PALLD: variants seen among roughly 807,000 people sequenced by gnomAD.
The protein encoded by PALLD is palladin.
PALLD carries 61 observed loss-of-function variants against 123.5 expected under a neutral mutation model. That is an observed-to-expected ratio of 0.49 (90% CI 0.40 to 0.61). The LOEUF is 0.61. PALLD is among the 20% of genes least tolerant of loss of function. The pLI, the probability that PALLD is intolerant of heterozygous loss-of-function variation, is 0.00. For synonymous variants in PALLD, 465 were observed against 496.4 expected (o/e 0.94, Z 0.84); for missense variants, 1,273 against 1,377.0 (o/e 0.92, Z 1.20).
At chr4:168,616,811 A>G (rs1774263299) in intron 2 of PALLD, among the ~76,000 whole-genome samples, 1 of 152,178 alleles carries the variant, frequency 6.6e-6, no homozygotes, top group Admixed American at 6.5e-5. Context: ...GGGAATGACT[A>G]CTGTGATGTC....
chr4:168,887,127 AAAAAAG>A (rs762811852), intron 10 of PALLD, among the ~76,000 whole-genome samples: 14,725 of 147,378 alleles, frequency 0.1, 825 homozygotes, highest in Middle Eastern at 0.19. Context: ...AAAAAAAAAA[AAAAAAG>A]AAAAAGAAAA....
At chr4:168,536,130 C>G (rs1458097304) in intron 2 of PALLD, among the ~76,000 whole-genome samples, 1 of 152,158 alleles carries the variant, frequency 6.6e-6, no homozygotes, top group African/African-American at 2.4e-5. Context: ...TTTTAATAAT[C>G]TAATTATTCC....
At chr4:168,802,308 C>G (rs1257312423) in intron 10 of PALLD, among the ~76,000 whole-genome samples, 1 of 152,136 alleles carries the variant, frequency 6.6e-6, no homozygotes, top group Non-Finnish European at 1.5e-5. Flanking sequence ...TTGGCTCACT[C>G]AGAGGTACAA....
At chr4:168,838,556 C>T (rs1182835698) in intron 10 of PALLD, among the ~76,000 whole-genome samples, 3 of 151,934 alleles carry the variant, frequency 2.0e-5, no homozygotes, top group African/African-American at 7.3e-5. Flanking sequence ...GTGAAATGTA[C>T]ACTCAGGATC....
intron 10 of PALLD, among the ~76,000 whole-genome samples, chr4:168,889,118 TTTTG>T (rs545855153): frequency 2.9e-4 from 43 of 147,146 alleles, no homozygotes; most frequent in African/African-American, 8.6e-4. Flanking sequence ...GGCAGTAAAG[TTTTG>T]TTTGTTTGCT....
intron 10 of PALLD, among the ~76,000 whole-genome samples, chr4:168,725,078 G>A (rs1786413180): frequency 6.6e-6 from 1 of 152,168 alleles, no homozygotes; most frequent in Admixed American, 6.5e-5. Context: ...ACAATAGGTA[G>A]CATTTGAGAG....
chr4:168,519,864 C>T (rs1321665457), intron 2 of PALLD, among the ~76,000 whole-genome samples: 7 of 151,660 alleles, frequency 4.6e-5, no homozygotes, highest in Non-Finnish European at 2.9e-5. Flanking sequence ...TTTATAGTTG[C>T]CTATTTTCTT....
intron 10 of PALLD, among the ~76,000 whole-genome samples, chr4:168,784,962 T>A (rs1274045660): frequency 6.6e-6 from 1 of 151,816 alleles, no homozygotes; most frequent in East Asian, 1.9e-4. Context: ...AAGAGGCTGG[T>A]CTGAGGAATG....
intron 15 of PALLD, among the ~76,000 whole-genome samples, chr4:168,906,496 T>C (rs190352274): frequency 6.6e-6 from 1 of 152,200 alleles, no homozygotes; most frequent in African/African-American, 2.4e-5. Context: ...CAAATTATTA[T>C]GAAGTCACTA....
intron 2 of PALLD, among the ~76,000 whole-genome samples, chr4:168,640,664 G>A (rs1175984365): frequency 2.6e-5 from 4 of 152,226 alleles, no homozygotes; most frequent in African/African-American, 9.6e-5. Context: ...GCTCAGAAAT[G>A]TGATAATTAT....
chr4:168,732,978 C>CACGT (rs1787327959), intron 10 of PALLD, among the ~76,000 whole-genome samples: 1 of 152,112 alleles, frequency 6.6e-6, no homozygotes, highest in Non-Finnish European at 1.5e-5. Context: ...TGTGATAATA[C>CACGT]ACGTAAGCTA....
At chr4:168,707,988 G>T (rs1041236919) in intron 8 of PALLD, among the ~76,000 whole-genome samples, 1 of 152,302 alleles carries the variant, frequency 6.6e-6, no homozygotes, top group Admixed American at 6.5e-5. Flanking sequence ...GCCAGGCAAT[G>T]TCCTAAGCAC....
At chr4:168,596,140 A>G (rs1431079258) in intron 2 of PALLD, among the ~76,000 whole-genome samples, 3 of 152,064 alleles carry the variant, frequency 2.0e-5, no homozygotes, top group Admixed American at 1.3e-4. Context: ...TTGAGTACCT[A>G]TTATTGCCAA....
intron 2 of PALLD, among the ~76,000 whole-genome samples, chr4:168,556,782 G>A (rs1767351083): frequency 6.6e-6 from 1 of 152,174 alleles, no homozygotes; most frequent in East Asian, 1.9e-4. Flanking sequence ...AAGATGGGAG[G>A]AAAAGTGTCA....
chr4:168,748,941 G>T (rs1730670258), intron 10 of PALLD, among the ~76,000 whole-genome samples: 1 of 152,118 alleles, frequency 6.6e-6, no homozygotes. Flanking sequence ...ATAATCATGG[G>T]AGTGACCTTC....
intron 16 of PALLD, among the ~76,000 whole-genome samples, chr4:168,914,578 A>G (rs1326862540): frequency 2.6e-5 from 4 of 152,220 alleles, no homozygotes; most frequent in African/African-American, 9.7e-5. Context: ...TTCTGAGTCT[A>G]TGCAAGGACA....
chr4:168,852,577 G>T (rs1311642710), intron 10 of PALLD, among the ~76,000 whole-genome samples: 2 of 152,126 alleles, frequency 1.3e-5, no homozygotes, highest in Non-Finnish European at 2.9e-5. Flanking sequence ...GGAAGTCAAG[G>T]CTGCAGTGAG....
intron 10 of PALLD, among the ~76,000 whole-genome samples, chr4:168,813,219 G>A (rs564133182): frequency 1.3e-5 from 2 of 152,160 alleles, no homozygotes; most frequent in East Asian, 3.9e-4. Flanking sequence ...GCCTGTAGAA[G>A]GTAAGGAGGA....
intron 17 of PALLD, among the ~76,000 whole-genome samples, chr4:168,919,948 G>A (rs146882912): frequency 1.0e-3 from 157 of 152,228 alleles, no homozygotes; most frequent in African/African-American, 3.4e-3. Flanking sequence ...CACTGGGTAG[G>A]TTCACTGTGA....
Sources: gnomAD v4.1 joint callset for allele counts (sites outside exome capture counted in the v4.1 genomes callset) on GRCh38, gnomAD v4.1.1 for gene constraint, MANE v1.5 for transcripts, NCBI Gene and HGNC (gene_info 2026-07-23, HGNC 2026-07-21) for gene names.